The following MAS1 variants were observed in gnomAD, a reference collection of about 807,000 sequenced individuals.
The protein encoded by MAS1 is MAS1 proto-oncogene, G protein-coupled receptor.
For synonymous variants in MAS1, 163 were observed against 164.2 expected (o/e 0.99, Z 0.05); for missense variants, 387 against 409.7 (o/e 0.94, Z 0.48).
intron 1 of MAS1, among the ~76,000 whole-genome samples, chr6:159,895,207 G>T (rs985171811): frequency 2.0e-5 from 3 of 152,134 alleles, no homozygotes; most frequent in Non-Finnish European, 2.9e-5. Flanking sequence ...GCAGGGGAGG[G>T]CTAGAAATAG....
chr6:159,904,398 A>G (rs1782858238), intron 2 of MAS1, among the ~76,000 whole-genome samples: 1 of 152,074 alleles, frequency 6.6e-6, no homozygotes, highest in Non-Finnish European at 1.5e-5. Flanking sequence ...CGAACTCCAC[A>G]GGCCCTGCTA....
rs367741950 is a variant in MAS1, at chr6:159,891,281, G to GTT, written c.-244+149_-244+150dup. Among the ~76,000 whole-genome samples the GTT allele has an allele frequency of 5.0e-3, 759 of 152,250 alleles. 5 individuals are homozygous for GTT. The highest frequency in any genetic ancestry group is 0.02 in the Middle Eastern group (6 of 294). ...TTTTTCGGTGTGTTAGATGTTTGCC[G>GTT]TTGGTGTGTGTTGGCAAAAACTTCT... On this transcript the variant is annotated intron_variant, in intron 1 of 2. Coordinates refer to ENST00000674077, the MANE Select transcript of MAS1 (RefSeq NM_002377.4).
chr6:159,906,135 A>C (rs1176580653), intron 2 of MAS1, among the ~76,000 whole-genome samples: 1 of 151,510 alleles, frequency 6.6e-6, no homozygotes, highest in Non-Finnish European at 1.5e-5. Context: ...ATGCATGCAC[A>C]CAAACTAGAA....
rs1392947821 is a variant in MAS1, at chr6:159,911,934, C to T, written c.*4001C>T. On this transcript the variant is annotated 3_prime_UTR_variant, in exon 3 of 3. Transcript: ENST00000674077. Reference sequence around the variant, plus strand: ...GGCTAAGATGCTCCAACCCCTTCCCCTGTTGCCTGCCCGATGGCATTTCGC... The same window carrying T: ...GGCTAAGATGCTCCAACCCCTTCCCTTGTTGCCTGCCCGATGGCATTTCGC... 2 of 152,614 alleles carry T rather than the reference C, an allele frequency of 1.3e-5. No individual in the cohort carries two copies. Among genetic ancestry groups the T allele is most frequent in the Admixed American group, 6.5e-5 (1 of 15,296 alleles). 9.5% of individuals were successfully genotyped at this position (152,614 alleles called of 1,614,324 possible).
In MAS1 at chr6:159,913,704, C is replaced by T. The variant is rs1039174077; in HGVS notation, c.*5771C>T. 6.6e-6 allele frequency: 1 copy of T among 152,072 alleles called. No individual in the cohort carries two copies. Among genetic ancestry groups the T allele is most frequent in the Non-Finnish European group, 1.5e-5 (1 of 68,020 alleles). 9.4% of individuals were successfully genotyped at this position (152,072 alleles called of 1,614,324 possible). A position where few individuals can be genotyped will look rare whatever the true frequency, so the allele number is the denominator to read the frequency against. ...CTGAGACTTAGCTTTTCCTAAAGGC[C>T]AAAAATCAGCTATTGGGGTCTCATT... On this transcript the variant is annotated 3_prime_UTR_variant, in exon 3 of 3. Transcript: ENST00000674077.
upstream of MAS1, among the ~76,000 whole-genome samples, chr6:159,889,188 C>G (rs1285406728): frequency 6.6e-6 from 1 of 152,210 alleles, no homozygotes; most frequent in Non-Finnish European, 1.5e-5. Flanking sequence ...ACCTTGGGAC[C>G]ATTATCAATT....
chr6:159,899,120 G>T (rs1354686622), intron 1 of MAS1, 66 bp from the exon 2 acceptor site: 1 of 152,202 alleles, frequency 6.6e-6, no homozygotes, highest in Non-Finnish European at 1.5e-5. Context: ...GGAAGGAAAG[G>T]TGCTTTGGCC....
At chr6:159,890,306 G>T (rs370914843), upstream of MAS1, among the ~76,000 whole-genome samples, 28 of 152,218 alleles carry the variant, frequency 1.8e-4, no homozygotes, top group African/African-American at 6.8e-4. Context: ...AAAGGAATTT[G>T]CTCTCATGTT....
At chr6:159,903,340 CCTCT>C (rs1782846013) in intron 2 of MAS1, among the ~76,000 whole-genome samples, 1 of 152,138 alleles carries the variant, frequency 6.6e-6, no homozygotes, top group African/African-American at 2.4e-5. Flanking sequence ...GTTAAATCCA[CCTCT>C]CCTCTTTCTC....
At chr6:159,891,452 C>T (rs776439720) in intron 1 of MAS1, among the ~76,000 whole-genome samples, 4 of 152,158 alleles carry the variant, frequency 2.6e-5, no homozygotes, top group Non-Finnish European at 4.4e-5. Context: ...AGGATCAATT[C>T]ACAGTTTGAA....
At chr6:159,897,646 G>A (rs374947465) in intron 1 of MAS1, among the ~76,000 whole-genome samples, 10 of 152,190 alleles carry the variant, frequency 6.6e-5, no homozygotes, top group African/African-American at 1.9e-4. Context: ...CTATGATCAG[G>A]AATGAACAGG....
At chr6:159,889,049 C>T (rs1782666597), upstream of MAS1, among the ~76,000 whole-genome samples, 1 of 152,216 alleles carries the variant, frequency 6.6e-6, no homozygotes, top group Admixed American at 6.5e-5. Context: ...CCGCCACCCA[C>T]TCAAGCTGGG....
rs1048944162 is a variant in MAS1, at chr6:159,909,508, T to G, written c.*1575T>G. 1 of 152,200 alleles carries G rather than the reference T, an allele frequency of 6.6e-6. No homozygotes were observed. Among genetic ancestry groups the G allele is most frequent in the Non-Finnish European group, 1.5e-5 (1 of 68,044 alleles). The allele number at this position is 152,200 out of a possible 1,614,324, so 9.4% of individuals were successfully genotyped here. ...AGCTTGGATGCAGGAGGCTTTTCAGTGGGTGACAACATCTGATTCAGAAAC... is the reference window on the plus strand; with the variant it reads ...AGCTTGGATGCAGGAGGCTTTTCAGGGGGTGACAACATCTGATTCAGAAAC... On this transcript the variant is annotated 3_prime_UTR_variant, in exon 3 of 3. Coordinates refer to ENST00000674077, the MANE Select transcript of MAS1 (RefSeq NM_002377.4).
intron 2 of MAS1, among the ~76,000 whole-genome samples, chr6:159,905,858 A>G (rs765680895): frequency 6.6e-6 from 1 of 152,128 alleles, no homozygotes; most frequent in Non-Finnish European, 1.5e-5. Context: ...CCTCACCAAC[A>G]TGGTGAAACC....
Position 159,911,811 on chromosome 6 carries a change from C to A in MAS1, c.*3878C>A. On this transcript the variant is annotated 3_prime_UTR_variant, in exon 3 of 3. Coordinates refer to ENST00000674077, the MANE Select transcript of MAS1 (RefSeq NM_002377.4). ...GAACTCTTCCAGACATCCCCGCTGT[C>A]CCCTCTGCTGACCTAGCTCCATCTT... The A allele has an allele frequency of 6.6e-6, 1 of 152,450 alleles. No individual in the cohort carries two copies. The highest frequency in any genetic ancestry group is 1.5e-5 in the Non-Finnish European group (1 of 68,178). The allele number at this position is 152,450 out of a possible 1,614,324, so 9.4% of individuals were successfully genotyped here.
intron 2 of MAS1, among the ~76,000 whole-genome samples, chr6:159,901,921 A>ATTTAT (rs1326953531): frequency 1.3e-5 from 2 of 152,148 alleles, no homozygotes; most frequent in Non-Finnish European, 2.9e-5. Context: ...AATTTTGTGA[A>ATTTAT]TTTATTTGGA....
At position 159,908,929 on chromosome 6, in the gene MAS1, C is replaced by G. The variant is rs79393656; in HGVS notation, c.*996C>G. 4.0e-4 allele frequency: 60 copies of G among 151,104 alleles called. No individual in the cohort carries two copies. The highest frequency in any genetic ancestry group is 1.4e-3 in the African/African-American group (56 of 41,188). The allele number at this position is 151,104 out of a possible 1,614,324, so 9.4% of individuals were successfully genotyped here. On this transcript the variant is annotated 3_prime_UTR_variant, in exon 3 of 3. Transcript: ENST00000674077. The stretch of plus-strand genomic sequence containing the variant: ...TATTTGTAGCCAGAGTTCTCACCTG[C>G]AGCCAAGTGCGGGTCTCTGCACCTG...
At chr6:159,889,605 T>C (rs1409304542), upstream of MAS1, among the ~76,000 whole-genome samples, 2 of 152,190 alleles carry the variant, frequency 1.3e-5, no homozygotes, top group Non-Finnish European at 2.9e-5. Flanking sequence ...GCAGTCTGCT[T>C]TAGATGGTGC....
chr6:159,907,711 TGA>T lies in MAS1; in HGVS notation c.758_759del (p.Glu253ValfsTer21), dbSNP rs1351949565. 1 of 1,613,604 alleles carries T rather than the reference TGA, an allele frequency of 6.2e-7. No individual in the cohort carries two copies. The highest frequency in any genetic ancestry group is 8.5e-7 in the Non-Finnish European group (1 of 1,179,874). On this transcript the variant is annotated frameshift_variant, in exon 3 of 3. Coordinates refer to ENST00000674077, the MANE Select transcript of MAS1 (RefSeq NM_002377.4). LOFTEE classifies it low-confidence loss of function (END_TRUNC). ...PMRLLYLLYY[E>X]YWSTFGNLHH... ...TGAGACTCCTTTACCTGCTGTACTA[TGA>T]GTATTGGTCGACCTTTGGGAACCTA... is the stretch of plus-strand genomic sequence containing the variant.
Sources: allele counts gnomAD v4.1 joint callset (sites outside exome capture counted in the v4.1 genomes callset), GRCh38; gene constraint gnomAD v4.1.1; transcripts MANE v1.5; gene names NCBI Gene and HGNC (gene_info 2026-07-23, HGNC 2026-07-21).